Variants in SYBU observed in about 807,000 individuals in gnomAD.
The protein encoded by SYBU is GOLSYN A protein.
In SYBU, 21 loss-of-function variants were observed where a neutral mutation model predicts 35.9. The ratio of observed to expected loss-of-function variants is 0.58; its 90% CI spans 0.41 to 0.84. The LOEUF (loss-of-function observed/expected upper bound fraction) is 0.84, where lower values mean the gene tolerates loss of function less well. SYBU is among the 40% of genes least tolerant of loss of function. The pLI is 0.00. For synonymous variants in SYBU, 319 were observed against 324.3 expected, an observed-to-expected ratio of 0.98 and a Z score of 0.18; for missense variants, 768 against 848.2, an observed-to-expected ratio of 0.91 and a Z score of 1.17.
intron 1 of SYBU, among the ~76,000 whole-genome samples, chr8:109,676,559 G>A (rs1220740014): frequency 1.3e-5 from 2 of 152,178 alleles, no homozygotes; most frequent in East Asian, 3.9e-4. Context: ...TATAGCAAAT[G>A]TAAGTCATTT....
chr8:109,661,340 A>C (rs1231854640), intron 1 of SYBU, among the ~76,000 whole-genome samples: 1 of 152,194 alleles, frequency 6.6e-6, no homozygotes, highest in African/African-American at 2.4e-5. Flanking sequence ...TTTGTAAATA[A>C]AAAAATTATG....
chr8:109,668,010 G>A (rs1305020903), intron 1 of SYBU, among the ~76,000 whole-genome samples: 1 of 152,028 alleles, frequency 6.6e-6, no homozygotes, highest in Non-Finnish European at 1.5e-5. Flanking sequence ...CACAAAGCTT[G>A]TAATTACAGG....
intron 3 of SYBU, among the ~76,000 whole-genome samples, chr8:109,617,570 T>C (rs1209561692): frequency 6.6e-6 from 1 of 152,222 alleles, no homozygotes; most frequent in Non-Finnish European, 1.5e-5. Flanking sequence ...ATTTCTTGGC[T>C]AAAATTTCAT....
intron 2 of SYBU, among the ~76,000 whole-genome samples, chr8:109,622,019 C>T (rs971454806): frequency 2.0e-5 from 3 of 152,102 alleles, no homozygotes; most frequent in African/African-American, 7.2e-5. Context: ...CTCCTCCTTT[C>T]TTCCTCTTCA....
At chr8:109,583,689 T>C (rs533104717) in intron 4 of SYBU, among the ~76,000 whole-genome samples, 9 of 152,238 alleles carry the variant, frequency 5.9e-5, no homozygotes, top group Admixed American at 3.9e-4. Flanking sequence ...ACCCAGCTAC[T>C]CTAGAGGAGC....
chr8:109,645,604 C>T, upstream of SYBU: 1 of 269,732 alleles, frequency 3.7e-6, no homozygotes, highest in Non-Finnish European at 7.3e-6. Flanking sequence ...GCCTTTATGC[C>T]TAAAGTTTTT....
chr8:109,609,584 C>T (rs1348349273), intron 3 of SYBU, among the ~76,000 whole-genome samples: 1 of 152,122 alleles, frequency 6.6e-6, no homozygotes, highest in East Asian at 1.9e-4. Flanking sequence ...CCAGTGACAA[C>T]CTGCTTGCTA....
At chr8:109,616,013 T>C (rs1011622873) in intron 3 of SYBU, among the ~76,000 whole-genome samples, 6 of 103,222 alleles carry the variant, frequency 5.8e-5, no homozygotes, top group Non-Finnish European at 1.2e-4. Flanking sequence ...TTTCTTTTTT[T>C]TTTTTTTTTT....
At position 109,655,737 on chromosome 8, in the gene SYBU, T is replaced by C. The variant is rs1015410525; in HGVS notation, c.-129+24974A>G. Reference sequence around the variant, plus strand: ...AATTTATTTTACAAGACACTGTCATTTATATTTTTCACATATTCATATAGT... The same window carrying C: ...AATTTATTTTACAAGACACTGTCATCTATATTTTTCACATATTCATATAGT... On this transcript the variant is annotated intron_variant, in intron 1 of 5. Transcript: ENST00000408889. 2.0e-5 allele frequency among the ~76,000 whole-genome samples: 3 copies of C among 152,340 alleles called. No individual in the cohort carries two copies. In the East Asian group the frequency reaches 5.8e-4, roughly 29 times the overall value.
At chr8:109,626,939 A>G (rs1336036288) in intron 2 of SYBU, among the ~76,000 whole-genome samples, 2 of 152,366 alleles carry the variant, frequency 1.3e-5, no homozygotes, top group East Asian at 3.9e-4. Context: ...CATTAATAAA[A>G]TATTTCTTCA....
Position 109,579,846 on chromosome 8 carries a change from A to G in SYBU, c.687T>C (p.Ser229=). 1 of 1,613,432 alleles carries G rather than the reference A, an allele frequency of 6.2e-7. No individual in the cohort carries two copies. Among genetic ancestry groups the G allele is most frequent in the Non-Finnish European group, 8.5e-7 (1 of 1,179,806 alleles). Residue 229 remains serine, a synonymous_variant, in exon 5 of 7, where the codon AGT becomes AGC. Transcript: ENST00000276646. ...HPSYAPSSPS[S]SNSGSYKGSD... ...TTCCTTTGTAGGAGCCTGAGTTGCT[A>G]CTGCTTGGGGAAGAAGGTGCATAAC...
rs186515946 is a variant in SYBU at position 109,663,239 on chromosome 8, A to T, written c.-129+17472T>A. On this transcript the variant is annotated intron_variant, in intron 1 of 5. Transcript: ENST00000408889. ...CATATCTTATGTGTGTGGAAGGGTC[A>T]GTTTAATAAAAATACATACAGATAG... 9.3e-5 allele frequency among the ~76,000 whole-genome samples: 14 copies of T among 151,336 alleles called. No homozygotes were observed. In the East Asian group the frequency reaches 2.7e-3, roughly 29 times the overall value.
chr8:109,588,154 A>G (rs554261977), intron 3 of SYBU, among the ~76,000 whole-genome samples: 2 of 152,366 alleles, frequency 1.3e-5, no homozygotes, highest in African/African-American at 4.8e-5. Flanking sequence ...CTAATGTGAA[A>G]TTATTACTCT....
chr8:109,602,788 T>C (rs1467917686), intron 3 of SYBU, among the ~76,000 whole-genome samples: 2 of 152,104 alleles, frequency 1.3e-5, no homozygotes, highest in African/African-American at 4.8e-5. Context: ...GCTGGGTAAA[T>C]TCTGGCAATT....
At chr8:109,683,333 C>A (rs1038822187), upstream of SYBU, among the ~76,000 whole-genome samples, 1 of 152,216 alleles carries the variant, frequency 6.6e-6, no homozygotes, top group Non-Finnish European at 1.5e-5. Context: ...GCATCAACAT[C>A]ACCTGGATGT....
chr8:109,603,781 A>T (rs1378218684), intron 3 of SYBU, among the ~76,000 whole-genome samples: 1 of 152,226 alleles, frequency 6.6e-6, no homozygotes, highest in East Asian at 1.9e-4. Context: ...TAAGCTGGTA[A>T]CATTATTTTT....
At chr8:109,592,737 G>A (rs1308654101) in intron 3 of SYBU, among the ~76,000 whole-genome samples, 1 of 152,206 alleles carries the variant, frequency 6.6e-6, no homozygotes, top group Non-Finnish European at 1.5e-5. Flanking sequence ...TAGCTATAAA[G>A]CCCAGCTCCA....
At position 109,625,136 on chromosome 8, in the gene SYBU, T is replaced by TAA. The variant is rs59065071; in HGVS notation, c.230-6099_230-6098dup. On this transcript the variant is annotated intron_variant, in intron 2 of 6. Coordinates refer to ENST00000276646, the MANE Select transcript of SYBU (RefSeq NM_001099754.2). ...ATTACGTAAGAAAATGTGCTTTTTT[T>TAA]AAAAAAAAAAGTTATGCATGCTGAG... Among the ~76,000 whole-genome samples the TAA allele has an allele frequency of 3.0e-4, 43 of 144,980 alleles. No individual in the cohort carries two copies. In the South Asian group the frequency reaches 4.0e-3, roughly 13 times the overall value.
chr8:109,673,825 A>G (rs1401023716), intron 1 of SYBU, among the ~76,000 whole-genome samples: 1 of 152,242 alleles, frequency 6.6e-6, no homozygotes, highest in East Asian at 1.9e-4. Context: ...TAACCAGTTT[A>G]GAGAAGAACA....
Sources: gnomAD v4.1 joint callset for allele counts (sites outside exome capture counted in the v4.1 genomes callset) on GRCh38, gnomAD v4.1.1 for gene constraint, MANE v1.5 for transcripts, NCBI Gene and HGNC (gene_info 2026-07-23, HGNC 2026-07-21) for gene names.